SHISA6: variants seen among roughly 807,000 people sequenced by gnomAD.
SHISA6 encodes shisa family member 6, also known as protein shisa-6.
SHISA6 carries 22 observed loss-of-function variants against 47.9 expected under a neutral mutation model. The ratio of observed to expected loss-of-function variants is 0.46; its 90% CI spans 0.33 to 0.66. The LOEUF (loss-of-function observed/expected upper bound fraction) is 0.66, where lower values mean the gene tolerates loss of function less well. Among genes scored for constraint, SHISA6 ranks in the 30% least tolerant of loss-of-function variants. The pLI is 0.02. For synonymous variants in SHISA6, 388 were observed against 337.8 expected, an observed-to-expected ratio of 1.15 and a Z score of -1.63; for missense variants, 680 against 764.6, an observed-to-expected ratio of 0.89 and a Z score of 1.30.
At chr17:11,379,343 G>A (rs1912929225) in intron 2 of SHISA6, 71 bp from the exon 3 acceptor site, 2 of 1,121,306 alleles carry the variant, frequency 1.8e-6, no homozygotes, top group South Asian at 1.5e-5. Context: ...TGTTGGGTGA[G>A]ATGCAGCTGC....
At chr17:11,482,163 T>C (rs1916238442) in intron 3 of SHISA6, among the ~76,000 whole-genome samples, 1 of 152,228 alleles carries the variant, frequency 6.6e-6, no homozygotes, top group South Asian at 2.1e-4. Context: ...GATACTTGAA[T>C]AGGTAGATAG....
intron 2 of SHISA6, among the ~76,000 whole-genome samples, chr17:11,294,041 A>G (rs906389552): frequency 6.6e-6 from 1 of 151,946 alleles, no homozygotes; most frequent in Non-Finnish European, 1.5e-5. Flanking sequence ...GCGCACCACC[A>G]TGCCCGGCTA....
At position 11,558,120 on chromosome 17, in the gene SHISA6, G is replaced by A. The variant is rs938069258; in HGVS notation, c.1472G>A (p.Arg491His). Reference sequence around the variant, plus strand: ...TCCACACCCGTGCTGGACCGCTACCGCATGAGCAAGATGCACTCTCATCCC... The same window carrying A: ...TCCACACCCGTGCTGGACCGCTACCACATGAGCAAGATGCACTCTCATCCC... ...FVSTPVLDRY[R>H]MSKMHSHPSA... is the part of the protein sequence containing the mutation. Residue 491 changes from arginine (R) to histidine (H), a missense_variant, in exon 6 of 6, where the codon CGC becomes CAC. By Grantham distance (29) the Arg-to-His change is conservative. This residue lies in a region of SHISA6 where 559 missense variants were observed against 674.1 expected (regional missense o/e 0.83). Coordinates refer to ENST00000441885, the MANE Select transcript of SHISA6 (RefSeq NM_207386.4). 8 of 1,551,172 alleles carry A rather than the reference G, an allele frequency of 5.2e-6. No individual in the cohort carries two copies. Among genetic ancestry groups the A allele is most frequent in the Middle Eastern group, 3.3e-4 (2 of 6,014 alleles).
At chr17:11,457,117 T>C (rs566337347) in intron 3 of SHISA6, among the ~76,000 whole-genome samples, 11 of 152,304 alleles carry the variant, frequency 7.2e-5, no homozygotes, top group African/African-American at 2.2e-4. Flanking sequence ...CTCTGCCTCA[T>C]TGAATATGCA....
At chr17:11,453,568 A>G (rs1373897138) in intron 3 of SHISA6, among the ~76,000 whole-genome samples, 1 of 152,202 alleles carries the variant, frequency 6.6e-6, no homozygotes. Context: ...TACCCATCAC[A>G]GAAAGTAGCA....
intron 3 of SHISA6, among the ~76,000 whole-genome samples, chr17:11,429,793 A>AAAAT (rs964104070): frequency 3.4e-5 from 5 of 149,060 alleles, no homozygotes; most frequent in Non-Finnish European, 3.0e-5. Context: ...CTCCGTCTCA[A>AAAAT]AAATAAATAA....
chr17:11,457,324 AATTACACC>A (rs1412310988), intron 3 of SHISA6, among the ~76,000 whole-genome samples: 1 of 152,158 alleles, frequency 6.6e-6, no homozygotes, highest in East Asian at 1.9e-4. Flanking sequence ...AGCTTTTCTG[AATTACACC>A]ACCACCCATG....
chr17:11,421,919 C>A (rs1317485206), intron 3 of SHISA6, among the ~76,000 whole-genome samples: 2 of 152,092 alleles, frequency 1.3e-5, no homozygotes, highest in Non-Finnish European at 2.9e-5. Flanking sequence ...GTTGGTTGCT[C>A]AGTTTCTCAG....
At chr17:11,440,585 C>T (rs1321764589) in intron 3 of SHISA6, among the ~76,000 whole-genome samples, 1 of 149,460 alleles carries the variant, frequency 6.7e-6, no homozygotes, top group African/African-American at 2.4e-5. Flanking sequence ...GACAAGCCCT[C>T]ATTTCTCTAA....
At chr17:11,550,335 G>T (rs1458758374) in intron 3 of SHISA6, among the ~76,000 whole-genome samples, 1 of 152,164 alleles carries the variant, frequency 6.6e-6, no homozygotes, top group Non-Finnish European at 1.5e-5. Flanking sequence ...GATTACAGGT[G>T]TGAGCCACTG....
At chr17:11,455,909 A>G (rs1466511781) in intron 3 of SHISA6, among the ~76,000 whole-genome samples, 1 of 152,210 alleles carries the variant, frequency 6.6e-6, no homozygotes, top group Non-Finnish European at 1.5e-5. Flanking sequence ...TCCTGTTGAT[A>G]CTAAAATGAG....
At chr17:11,423,610 C>A (rs1309725725) in intron 3 of SHISA6, among the ~76,000 whole-genome samples, 1 of 151,674 alleles carries the variant, frequency 6.6e-6, no homozygotes, top group East Asian at 1.9e-4. Context: ...GAAGCAAAAG[C>A]AGAAATATAC....
At chr17:11,470,970 G>A (rs1915921323) in intron 3 of SHISA6, among the ~76,000 whole-genome samples, 1 of 151,742 alleles carries the variant, frequency 6.6e-6, no homozygotes. Flanking sequence ...AGCACTCTGG[G>A]AGGCTGAGGC....
At chr17:11,386,617 TAA>T (rs923302534) in intron 3 of SHISA6, among the ~76,000 whole-genome samples, 4 of 151,970 alleles carry the variant, frequency 2.6e-5, no homozygotes, top group Admixed American at 6.6e-5. Flanking sequence ...AATGATCCAA[TAA>T]AAAAGGGAAA....
intron 1 of SHISA6, among the ~76,000 whole-genome samples, chr17:11,259,461 G>C (rs1482589664): frequency 6.6e-6 from 1 of 152,198 alleles, no homozygotes; most frequent in African/African-American, 2.4e-5. Flanking sequence ...ATCTCGAGCA[G>C]ACAAGACTGT....
intron 3 of SHISA6, among the ~76,000 whole-genome samples, chr17:11,515,901 T>A (rs1475378603): frequency 6.6e-6 from 1 of 152,202 alleles, no homozygotes; most frequent in Non-Finnish European, 1.5e-5. Flanking sequence ...TGCAGACTTC[T>A]GCTCTGGCTG....
chr17:11,479,079 C>CTTT (rs543055751), intron 3 of SHISA6, among the ~76,000 whole-genome samples: 1 of 151,704 alleles, frequency 6.6e-6, no homozygotes, highest in Non-Finnish European at 1.5e-5. Flanking sequence ...TTTTAAAAAC[C>CTTT]TTTTTTTTAA....
At chr17:11,295,415 C>T (rs2142172815) in intron 2 of SHISA6, among the ~76,000 whole-genome samples, 1 of 152,310 alleles carries the variant, frequency 6.6e-6, no homozygotes, top group South Asian at 2.1e-4. Context: ...AACTTACAGT[C>T]AGTGGGGGAG....
chr17:11,446,460 G>T (rs1915240567), intron 3 of SHISA6, among the ~76,000 whole-genome samples: 1 of 152,224 alleles, frequency 6.6e-6, no homozygotes, highest in African/African-American at 2.4e-5. Context: ...CTTCAAGCTT[G>T]TTTGTGCTAA....
Sources: gnomAD v4.1 joint callset for allele counts (sites outside exome capture counted in the v4.1 genomes callset) on GRCh38, gnomAD v4.1.1 for gene constraint, gnomAD v4.1.1 regional missense constraint, MANE v1.5 for transcripts, NCBI Gene and HGNC (gene_info 2026-07-23, HGNC 2026-07-21) for gene names.